The following BCAS1 variants were observed in gnomAD, a reference collection of about 807,000 sequenced individuals.
BCAS1 encodes brain enriched myelin associated protein 1.
BCAS1 carries 46 observed loss-of-function variants against 65.4 expected under a neutral mutation model. The observed-to-expected ratio is 0.70, with a 90% CI of 0.55 to 0.90. The LOEUF is 0.90. Among genes scored for constraint, BCAS1 ranks in the 40% least tolerant of loss-of-function variants. The pLI is 0.00. For synonymous variants in BCAS1, 298 were observed against 293.5 expected, an observed-to-expected ratio of 1.02 and a Z score of -0.16; for missense variants, 793 against 771.2, an observed-to-expected ratio of 1.03 and a Z score of -0.33.
chr20:53,949,917 C>A (rs557244781), intron 12 of BCAS1, among the ~76,000 whole-genome samples: 47 of 152,312 alleles, frequency 3.1e-4, no homozygotes, highest in African/African-American at 1.1e-3. Context: ...TGTCTCAAAC[C>A]TGTCCACTTC....
At chr20:54,048,156 A>G (rs1463229849) in intron 3 of BCAS1, among the ~76,000 whole-genome samples, 1 of 152,072 alleles carries the variant, frequency 6.6e-6, no homozygotes, top group Non-Finnish European at 1.5e-5. Flanking sequence ...TGAGTGAGAG[A>G]CATATAGCAA....
intron 1 of BCAS1, among the ~76,000 whole-genome samples, chr20:54,064,314 T>A (rs368721178): frequency 6.6e-6 from 1 of 152,188 alleles, no homozygotes; most frequent in East Asian, 1.9e-4. Context: ...TGAGTGAGTG[T>A]CTCCTGGGGT....
At chr20:54,039,445 G>C (rs554355119) in intron 3 of BCAS1, among the ~76,000 whole-genome samples, 1 of 151,378 alleles carries the variant, frequency 6.6e-6, no homozygotes, top group Non-Finnish European at 1.5e-5. Context: ...TGTAGGCAAA[G>C]GTACTACTAC....
intron 4 of BCAS1, among the ~76,000 whole-genome samples, chr20:54,021,836 T>C (rs1323662315): frequency 6.6e-6 from 1 of 152,154 alleles, no homozygotes; most frequent in African/African-American, 2.4e-5. Context: ...ACACATTTAT[T>C]TTAAGTTCTG....
intron 9 of BCAS1, among the ~76,000 whole-genome samples, chr20:53,970,536 T>C (rs1487268071): frequency 6.6e-6 from 1 of 152,260 alleles, no homozygotes; most frequent in African/African-American, 2.4e-5. Flanking sequence ...CATCTGCACA[T>C]TTTAATTTTG....
intron 9 of BCAS1, among the ~76,000 whole-genome samples, chr20:53,974,568 G>A (rs978926991): frequency 1.3e-5 from 2 of 152,110 alleles, no homozygotes; most frequent in Non-Finnish European, 2.9e-5. Flanking sequence ...CCTATTTATG[G>A]CAAGTAAATA....
At chr20:53,993,957 C>G (rs2276498) in intron 6 of BCAS1, among the ~76,000 whole-genome samples, 20,771 of 152,202 alleles carry the variant, frequency 0.14, 1,793 homozygotes, top group East Asian at 0.26. Context: ...CAAAACAATG[C>G]CACACCTTCA....
intron 3 of BCAS1, among the ~76,000 whole-genome samples, chr20:54,037,969 A>G (rs949376871): frequency 2.0e-5 from 3 of 151,418 alleles, no homozygotes; most frequent in African/African-American, 7.3e-5. Context: ...ATATCTATAT[A>G]TTTTTGGTTT....
rs567299556 is a variant in BCAS1 at position 54,038,620 on chromosome 20, C to A, written c.143-9648G>T. 3.0e-4 allele frequency among the ~76,000 whole-genome samples: 45 copies of A among 151,452 alleles called. 1 individual carries two copies. The highest frequency in any genetic ancestry group is 1.1e-3 in the African/African-American group (44 of 41,446). ...ACTAATGTTGTGCTGGATGAAATTT[C>A]TTTTTCTGACAATACATTATCCAAA... On this transcript the variant is annotated intron_variant, in intron 3 of 12. Coordinates refer to ENST00000688948, the MANE Select transcript of BCAS1 (RefSeq NM_001366298.2).
chr20:53,946,505 G>GTATATATATA lies in BCAS1; in HGVS notation c.1816-1519_1816-1510dup, dbSNP rs71196434. On this transcript the variant is annotated intron_variant, in intron 12 of 12. Transcript: ENST00000688948. The stretch of plus-strand genomic sequence containing the variant: ...GTATAAGATTTATATATTGTATACA[G>GTATATATATA]TATATATATATATATACACACACAC... Among the ~76,000 whole-genome samples the GTATATATATA allele has an allele frequency of 9.5e-3, 1,383 of 145,914 alleles. 11 individuals carry two copies. The highest frequency in any genetic ancestry group is 0.023 in the South Asian group (108 of 4,666).
chr20:53,956,028 G>A (rs189594413), intron 11 of BCAS1, among the ~76,000 whole-genome samples: 8 of 152,240 alleles, frequency 5.3e-5, no homozygotes, highest in South Asian at 4.1e-4. Context: ...AGTCATTACC[G>A]TCCATTTGTG....
chr20:54,053,727 T>C (rs1476408750), intron 3 of BCAS1, among the ~76,000 whole-genome samples: 1 of 152,256 alleles, frequency 6.6e-6, no homozygotes, highest in East Asian at 1.9e-4. Flanking sequence ...CTATCATTAT[T>C]ATAATTCCCA....
At chr20:54,003,310 G>C (rs1198242380) in intron 4 of BCAS1, among the ~76,000 whole-genome samples, 1 of 148,754 alleles carries the variant, frequency 6.7e-6, no homozygotes, top group African/African-American at 2.5e-5. Flanking sequence ...AGAAACATTT[G>C]TTAAAGGATG....
intron 8 of BCAS1, 59 bp from the exon 9 acceptor site, chr20:53,975,489 C>T: frequency 4.1e-6 from 6 of 1,467,342 alleles, no homozygotes; most frequent in African/African-American, 1.4e-5. Context: ...AAAATTGTTA[C>T]ATAAAAGCAA....
intron 10 of BCAS1, among the ~76,000 whole-genome samples, chr20:53,965,423 A>C (rs1568819752): frequency 6.6e-6 from 1 of 152,252 alleles, no homozygotes; most frequent in Non-Finnish European, 1.5e-5. Context: ...TTTTCATTAA[A>C]AGAGAATTAA....
At chr20:53,953,410 G>A (rs2089590955) in intron 12 of BCAS1, 22 bp downstream of exon 12, 2 of 1,611,380 alleles carry the variant, frequency 1.2e-6, no homozygotes, top group African/African-American at 1.3e-5. Flanking sequence ...CCAGAAAGAA[G>A]AGGCAAAAAA....
intron 12 of BCAS1, among the ~76,000 whole-genome samples, chr20:53,948,972 G>C (rs1391522413): frequency 1.3e-5 from 2 of 152,094 alleles, no homozygotes; most frequent in Non-Finnish European, 2.9e-5. Flanking sequence ...CACCAGTGTG[G>C]ACAGATGTCT....
intron 10 of BCAS1, among the ~76,000 whole-genome samples, chr20:53,963,219 T>C (rs2089935424): frequency 6.6e-6 from 1 of 151,628 alleles, no homozygotes; most frequent in South Asian, 2.1e-4. Context: ...CAGTGGCTCA[T>C]GCCTATAATC....
chr20:54,035,844 T>A (rs2146164583), intron 3 of BCAS1, among the ~76,000 whole-genome samples: 1 of 151,364 alleles, frequency 6.6e-6, no homozygotes, highest in Admixed American at 6.6e-5. Context: ...GAAAATGTGG[T>A]ACATATACAC....
Sources: gnomAD v4.1 joint callset for allele counts (sites outside exome capture counted in the v4.1 genomes callset) on GRCh38, gnomAD v4.1.1 for gene constraint, MANE v1.5 for transcripts, NCBI Gene and HGNC (gene_info 2026-07-23, HGNC 2026-07-21) for gene names.